Variants in CFAP299 observed in about 807,000 individuals in gnomAD.
CFAP299 encodes the protein cilia and flagella associated protein 299.
In CFAP299, 21 loss-of-function variants were observed where a neutral mutation model predicts 27.0. The observed-to-expected ratio is 0.78, with a 90% CI of 0.55 to 1.12. CFAP299 has a LOEUF of 1.12. Among genes scored for constraint, CFAP299 ranks in the 50% most tolerant of loss-of-function variants. The pLI, the probability that CFAP299 is intolerant of heterozygous loss-of-function variation, is 0.00. For missense variants in CFAP299, 310 were observed against 276.6 expected, an observed-to-expected ratio of 1.12 and a Z score of -0.86; for synonymous variants, 104 against 98.1, an observed-to-expected ratio of 1.06 and a Z score of -0.36.
intron 2 of CFAP299, among the ~76,000 whole-genome samples, chr4:80,558,487 T>C (rs1243179531): frequency 1.3e-5 from 2 of 151,536 alleles, no homozygotes; most frequent in Non-Finnish European, 2.9e-5. Flanking sequence ...CTGACAAAGG[T>C]AGCTTAGGAA....
intron 2 of CFAP299, among the ~76,000 whole-genome samples, chr4:80,532,061 C>A (rs974242595): frequency 6.6e-6 from 1 of 152,030 alleles, no homozygotes; most frequent in East Asian, 1.9e-4. Context: ...CGGCCTAAGA[C>A]AGAATTTGTT....
chr4:80,860,544 T>C (rs1195731205), intron 3 of CFAP299, among the ~76,000 whole-genome samples: 1 of 152,180 alleles, frequency 6.6e-6, no homozygotes, highest in African/African-American at 2.4e-5. Context: ...TGGTTTTATC[T>C]ACTTTTGGTC....
chr4:80,677,943 A>C (rs1719577187), intron 3 of CFAP299, among the ~76,000 whole-genome samples: 1 of 152,078 alleles, frequency 6.6e-6, no homozygotes, highest in South Asian at 2.1e-4. Flanking sequence ...TGCTGCTGAA[A>C]GCCAGTCTTC....
chr4:80,914,321 C>T (rs936191039), intron 4 of CFAP299, among the ~76,000 whole-genome samples: 2 of 152,126 alleles, frequency 1.3e-5, no homozygotes, highest in African/African-American at 4.8e-5. Flanking sequence ...TATTCCACAT[C>T]CTAGTCATCT....
chr4:80,807,747 A>G (rs1216654695), intron 3 of CFAP299, among the ~76,000 whole-genome samples: 3 of 152,088 alleles, frequency 2.0e-5, no homozygotes, highest in Non-Finnish European at 4.4e-5. Context: ...GTGGTTTACT[A>G]TATATTCCTC....
intron 3 of CFAP299, among the ~76,000 whole-genome samples, chr4:80,812,349 T>C (rs1729198614): frequency 6.6e-6 from 1 of 152,004 alleles, no homozygotes; most frequent in South Asian, 2.1e-4. Context: ...GACAAGTGTT[T>C]TGATAGAGGT....
At chr4:80,522,363 C>T (rs368709501) in intron 2 of CFAP299, among the ~76,000 whole-genome samples, 3 of 151,928 alleles carry the variant, frequency 2.0e-5, no homozygotes, top group East Asian at 3.9e-4. Flanking sequence ...TGTTTTTATG[C>T]TATTGAGTTG....
At chr4:80,655,093 T>G (rs1298010233) in intron 3 of CFAP299, among the ~76,000 whole-genome samples, 2 of 151,796 alleles carry the variant, frequency 1.3e-5, no homozygotes, top group Admixed American at 1.3e-4. Context: ...ATACTTAATC[T>G]TTTACCTTTA....
chr4:80,419,038 C>G (rs1449810542), intron 2 of CFAP299, among the ~76,000 whole-genome samples: 1 of 152,160 alleles, frequency 6.6e-6, no homozygotes, highest in African/African-American at 2.4e-5. Context: ...TATATCCATA[C>G]AGGTCTGCAG....
chr4:80,933,965 T>G (rs1292743565), intron 4 of CFAP299, among the ~76,000 whole-genome samples: 1 of 152,140 alleles, frequency 6.6e-6, no homozygotes, highest in Non-Finnish European at 1.5e-5. Flanking sequence ...CAGCACTACA[T>G]TGAATATAAA....
chr4:80,797,017 C>T (rs1358589954), intron 3 of CFAP299, among the ~76,000 whole-genome samples: 2 of 152,108 alleles, frequency 1.3e-5, no homozygotes, highest in African/African-American at 4.8e-5. Context: ...TGAGCTAAAA[C>T]TCCATTAATT....
intron 2 of CFAP299, among the ~76,000 whole-genome samples, chr4:80,391,827 C>T (rs1196179019): frequency 6.6e-6 from 1 of 152,110 alleles, no homozygotes; most frequent in Non-Finnish European, 1.5e-5. Context: ...ATTAGCCAGG[C>T]ATGGTGGGAC....
intron 2 of CFAP299, among the ~76,000 whole-genome samples, chr4:80,402,358 C>A (rs914202773): frequency 1.3e-5 from 2 of 152,096 alleles, no homozygotes; most frequent in Non-Finnish European, 2.9e-5. Flanking sequence ...TGGGAAGAAC[C>A]CAGAGGGGAG....
At chr4:80,593,513 A>G (rs986244208) in intron 3 of CFAP299, among the ~76,000 whole-genome samples, 12 of 152,180 alleles carry the variant, frequency 7.9e-5, no homozygotes, top group African/African-American at 2.4e-4. Flanking sequence ...CTATGGGCAT[A>G]AAGTTATTTA....
intron 3 of CFAP299, among the ~76,000 whole-genome samples, chr4:80,865,609 A>G (rs535102565): frequency 1.3e-5 from 2 of 152,330 alleles, no homozygotes; most frequent in African/African-American, 4.8e-5. Flanking sequence ...TTAATAAAGC[A>G]TTGTGTTCAT....
intron 2 of CFAP299, among the ~76,000 whole-genome samples, chr4:80,458,219 C>T (rs1020738166): frequency 5.3e-5 from 8 of 152,318 alleles, no homozygotes; most frequent in Non-Finnish European, 8.8e-5. Flanking sequence ...CATGAATATA[C>T]ATTTAAAACA....
At chr4:80,674,625 T>C (rs1719286034) in intron 3 of CFAP299, among the ~76,000 whole-genome samples, 1 of 152,206 alleles carries the variant, frequency 6.6e-6, no homozygotes, top group African/African-American at 2.4e-5. Flanking sequence ...GTTTTCCAAA[T>C]TGGTTCCATT....
At chr4:80,508,322 G>A (rs1392189410) in intron 2 of CFAP299, among the ~76,000 whole-genome samples, 3 of 152,092 alleles carry the variant, frequency 2.0e-5, no homozygotes, top group Non-Finnish European at 4.4e-5. Flanking sequence ...ATAATGTGGT[G>A]GAAACAGATA....
At chr4:80,888,310 G>A (rs147697488) in intron 4 of CFAP299, among the ~76,000 whole-genome samples, 21 of 151,852 alleles carry the variant, frequency 1.4e-4, no homozygotes, top group African/African-American at 3.9e-4. Flanking sequence ...CCATGCTAAC[G>A]GAAACCAAAA....
Sources: gnomAD v4.1 joint callset for allele counts (sites outside exome capture counted in the v4.1 genomes callset) on GRCh38, gnomAD v4.1.1 for gene constraint, MANE v1.5 for transcripts, NCBI Gene and HGNC (gene_info 2026-07-23, HGNC 2026-07-21) for gene names.